Variants in TDRD1 observed in about 807,000 individuals in gnomAD.
The protein encoded by TDRD1 is tudor domain-containing protein 1.
Under a neutral mutation model 140.6 loss-of-function variants are expected in TDRD1, and 37 were observed. That is an observed-to-expected ratio of 0.26 (90% CI 0.20 to 0.35). The LOEUF (loss-of-function observed/expected upper bound fraction) is 0.35, where lower values mean the gene tolerates loss of function less well. Among genes scored for constraint, TDRD1 ranks in the 10% least tolerant of loss-of-function variants. TDRD1 has a pLI of 1.00. For missense variants in TDRD1, 1,243 were observed against 1,393.0 expected (o/e 0.89, Z 1.71); for synonymous variants, 506 against 475.7 (o/e 1.06, Z -0.83).
Position 114,213,327 on chromosome 10 carries a change from A to G in TDRD1, c.1832-19A>G. 1 of 1,596,592 alleles carries G rather than the reference A, an allele frequency of 6.3e-7. No homozygotes were observed. The highest frequency in any genetic ancestry group is 8.5e-7 in the Non-Finnish European group (1 of 1,169,950). On this transcript the variant is annotated intron_variant, in intron 14 of 25. Transcript: ENST00000251864. ...TGCTTTCAGAATAATTGTAACATTCATTCAAAATTCTTTGTTAGGAGTAAA... is the reference window on the plus strand; with the variant it reads ...TGCTTTCAGAATAATTGTAACATTCGTTCAAAATTCTTTGTTAGGAGTAAA...
At chr10:114,199,367 A>T in intron 4 of TDRD1, 50 bp downstream of exon 4, 1 of 1,556,228 alleles carries the variant, frequency 6.4e-7, no homozygotes, top group Non-Finnish European at 8.6e-7. Flanking sequence ...CATATTTGAA[A>T]AACATTTTTA....
intron 3 of TDRD1, among the ~76,000 whole-genome samples, chr10:114,198,740 A>C (rs1269488257): frequency 1.3e-5 from 2 of 152,084 alleles, no homozygotes; most frequent in Non-Finnish European, 2.9e-5. Flanking sequence ...TACAGCCTTG[A>C]GCTCCTGAGC....
At chr10:114,227,574 T>G (rs1287428183) in intron 23 of TDRD1, among the ~76,000 whole-genome samples, 3 of 152,214 alleles carry the variant, frequency 2.0e-5, no homozygotes, top group African/African-American at 7.2e-5. Flanking sequence ...TCTGCGTGCT[T>G]CTTATTTCCA....
At chr10:114,178,680 C>G (rs1325972889), upstream of TDRD1, among the ~76,000 whole-genome samples, 1 of 152,094 alleles carries the variant, frequency 6.6e-6, no homozygotes, top group African/African-American at 2.4e-5. Flanking sequence ...GAGGACTATG[C>G]TGGGGGCCAG....
chr10:114,183,927 C>G (rs547181743), intron 1 of TDRD1, among the ~76,000 whole-genome samples: 2 of 151,820 alleles, frequency 1.3e-5, no homozygotes, highest in African/African-American at 4.8e-5. Context: ...CTATTTTGAA[C>G]GGGACATTTT....
intron 2 of TDRD1, among the ~76,000 whole-genome samples, chr10:114,188,876 G>GA (rs34349007): frequency 0.016 from 1,696 of 107,086 alleles, 8 homozygotes; most frequent in Middle Eastern, 0.045. Flanking sequence ...AAAACAAAAT[G>GA]AAAAAAAAAA....
chr10:114,181,571 C>T (rs12774590), intron 1 of TDRD1, among the ~76,000 whole-genome samples: 13,076 of 152,118 alleles, frequency 0.086, 679 homozygotes, highest in Middle Eastern at 0.15. Flanking sequence ...TAAAAATTCA[C>T]GGCCCAGTGC....
intron 2 of TDRD1, 115 bp downstream of exon 2, chr10:114,188,271 T>C (rs1445627117): frequency 1.2e-6 from 1 of 846,076 alleles, no homozygotes; most frequent in Non-Finnish European, 1.8e-6. Context: ...CATGACTACC[T>C]TACCGTATTT....
intron 25 of TDRD1, among the ~76,000 whole-genome samples, chr10:114,229,165 C>T (rs1458053521): frequency 1.3e-5 from 2 of 151,998 alleles, no homozygotes; most frequent in African/African-American, 4.8e-5. Context: ...TGAGTTGTTA[C>T]AGTTCCAGCC....
intron 1 of TDRD1, among the ~76,000 whole-genome samples, chr10:114,183,736 C>T (rs1412606134): frequency 3.0e-5 from 4 of 134,388 alleles, no homozygotes; most frequent in African/African-American, 5.8e-5. Context: ...AGTCTCGCTT[C>T]GTTGCCCAAG....
chr10:114,212,274 A>T (rs553122746), intron 14 of TDRD1, among the ~76,000 whole-genome samples: 4 of 152,326 alleles, frequency 2.6e-5, no homozygotes, highest in African/African-American at 9.6e-5. Flanking sequence ...AGGGCATTAC[A>T]TTTGCAGCAT....
chr10:114,221,497 A>G lies in TDRD1; in HGVS notation c.2890+21A>G. On this transcript the variant is annotated intron_variant, in intron 20 of 25. Transcript: ENST00000251864. ...GCCAGGTAAGAAACCAAAATTTGAGACATATTTATGCTCATCTTTTAAACT... is the reference window on the plus strand; with the variant it reads ...GCCAGGTAAGAAACCAAAATTTGAGGCATATTTATGCTCATCTTTTAAACT... 3.7e-6 allele frequency: 6 copies of G among 1,607,710 alleles called. No individual in the cohort carries two copies. In the South Asian group the frequency reaches 5.6e-5, roughly 15 times the overall value.
exon 19 of TDRD1, chr10:114,220,606 A>G: frequency 1.2e-6 from 2 of 1,613,520 alleles, no homozygotes; most frequent in South Asian, 1.1e-5. Flanking sequence ...TGAAGAAGCC[A>G]TAACAAGATT....
chr10:114,213,513 C>G, exon 15 of TDRD1: 1 of 1,613,760 alleles, frequency 6.2e-7, no homozygotes, highest in Non-Finnish European at 8.5e-7. Context: ...TAGCAAAGTT[C>G]TCCTAGATGC....
At chr10:114,202,945 TTC>T in intron 6 of TDRD1, 125 bp from the exon 7 acceptor site, 1 of 686,686 alleles carries the variant, frequency 1.5e-6, no homozygotes, top group South Asian at 1.6e-5. Flanking sequence ...CCTTCCCTAT[TTC>T]TGTGTTCTTT....
intron 5 of TDRD1, 112 bp downstream of exon 5, chr10:114,201,627 G>A: frequency 1.3e-6 from 1 of 777,042 alleles, no homozygotes; most frequent in Non-Finnish European, 2.0e-6. Context: ...TTTTTCTTAA[G>A]CTCTATAACA....
intron 21 of TDRD1, among the ~76,000 whole-genome samples, chr10:114,225,768 G>A (rs1341466334): frequency 6.6e-6 from 1 of 151,434 alleles, no homozygotes; most frequent in African/African-American, 2.4e-5. Context: ...GAGGTGAGAG[G>A]ATCACTTGAG....
chr10:114,213,247 T>G (rs1431208140), intron 14 of TDRD1, 99 bp from the exon 15 acceptor site: 2 of 1,093,790 alleles, frequency 1.8e-6, no homozygotes, highest in African/African-American at 3.2e-5. Context: ...GTTCCAGTGT[T>G]TGCCATAGGT....
chr10:114,215,931 ATATC>A (rs1337059980), intron 16 of TDRD1, among the ~76,000 whole-genome samples: 2 of 152,168 alleles, frequency 1.3e-5, no homozygotes, highest in Non-Finnish European at 2.9e-5. Flanking sequence ...ATCCTTTTCT[ATATC>A]TATCAACAGT....
Sources: allele counts gnomAD v4.1 joint callset (sites outside exome capture counted in the v4.1 genomes callset), GRCh38; gene constraint gnomAD v4.1.1; transcripts MANE v1.5; gene names NCBI Gene and HGNC (gene_info 2026-07-23, HGNC 2026-07-21).